ST6GALNAC3: variants seen among roughly 807,000 people sequenced by gnomAD.
ST6GALNAC3 encodes the protein ST6 N-acetylgalactosaminide alpha-2,6-sialyltransferase 3.
Under a neutral mutation model 32.7 loss-of-function variants are expected in ST6GALNAC3, and 25 were observed. That is an observed-to-expected ratio of 0.76 (90% CI 0.56 to 1.07). The LOEUF (loss-of-function observed/expected upper bound fraction) is 1.07. Among genes scored for constraint, ST6GALNAC3 ranks in the 50% least tolerant of loss-of-function variants. ST6GALNAC3 has a pLI of 0.00. For missense variants in ST6GALNAC3, 355 were observed against 382.4 expected (o/e 0.93, Z 0.60); for synonymous variants, 129 against 133.1 (o/e 0.97, Z 0.21).
intron 1 of ST6GALNAC3, among the ~76,000 whole-genome samples, chr1:76,301,428 C>T (rs1265765991): frequency 6.6e-6 from 1 of 151,994 alleles, no homozygotes; most frequent in East Asian, 1.9e-4. Context: ...CATCTAGGTT[C>T]CTGCCTAATA....
intron 1 of ST6GALNAC3, among the ~76,000 whole-genome samples, chr1:76,077,895 A>G (rs1179864370): frequency 1.3e-5 from 2 of 152,214 alleles, no homozygotes; most frequent in South Asian, 2.1e-4. Flanking sequence ...CACAAGATGC[A>G]TAAACCATTG....
intron 3 of ST6GALNAC3, among the ~76,000 whole-genome samples, chr1:76,471,240 G>A (rs904935444): frequency 2.0e-5 from 3 of 152,018 alleles, no homozygotes; most frequent in Non-Finnish European, 2.9e-5. Context: ...TCTGAATACC[G>A]TTAAGGTGTA....
intron 1 of ST6GALNAC3, among the ~76,000 whole-genome samples, chr1:76,273,159 G>A (rs1658948793): frequency 1.3e-5 from 2 of 151,956 alleles, no homozygotes; most frequent in Admixed American, 1.3e-4. Flanking sequence ...GCTATCCAGG[G>A]GAACATTAAG....
At chr1:76,578,970 G>A (rs993017903) in intron 3 of ST6GALNAC3, among the ~76,000 whole-genome samples, 5 of 152,006 alleles carry the variant, frequency 3.3e-5, no homozygotes, top group Non-Finnish European at 7.4e-5. Flanking sequence ...GAGAGAGCAA[G>A]AGTGAGTTTC....
At chr1:76,501,110 T>C (rs1353340456) in intron 3 of ST6GALNAC3, among the ~76,000 whole-genome samples, 4 of 152,170 alleles carry the variant, frequency 2.6e-5, no homozygotes, top group Admixed American at 6.5e-5. Flanking sequence ...TAAATGAAAA[T>C]TGGTTTTAAA....
At chr1:76,557,447 A>T (rs533754772) in intron 3 of ST6GALNAC3, among the ~76,000 whole-genome samples, 1 of 152,064 alleles carries the variant, frequency 6.6e-6, no homozygotes, top group Non-Finnish European at 1.5e-5. Context: ...AGGCAAAACT[A>T]ATGTTCCATC....
At chr1:76,567,285 A>T (rs535640856) in intron 3 of ST6GALNAC3, among the ~76,000 whole-genome samples, 64 of 152,198 alleles carry the variant, frequency 4.2e-4, no homozygotes, top group Admixed American at 3.9e-4. Flanking sequence ...ATACTATGCA[A>T]GCTGGTATAG....
Position 76,465,221 on chromosome 1 carries a change from A to G in ST6GALNAC3, c.623+52804A>G, listed in dbSNP as rs1037246443. Among the ~76,000 whole-genome samples the G allele has an allele frequency of 2.6e-5, 4 of 152,166 alleles. No homozygotes were observed. In the East Asian group the frequency reaches 7.7e-4, roughly 29 times the overall value. ...GAGTCATTCGCTGCATGGCCCAATT[A>G]ACCTTTCTTCTGATTCCAGATTTTG... On this transcript the variant is annotated intron_variant, in intron 3 of 4. Coordinates refer to ENST00000328299, the MANE Select transcript of ST6GALNAC3 (RefSeq NM_152996.4).
intron 2 of ST6GALNAC3, among the ~76,000 whole-genome samples, chr1:76,357,383 G>T (rs754495265): frequency 6.6e-6 from 1 of 151,922 alleles, no homozygotes; most frequent in Non-Finnish European, 1.5e-5. Context: ...TGATCAACCC[G>T]CCTTGGCCTC....
intron 3 of ST6GALNAC3, among the ~76,000 whole-genome samples, chr1:76,567,528 A>G (rs1055491284): frequency 6.6e-6 from 1 of 152,202 alleles, no homozygotes; most frequent in Admixed American, 6.5e-5. Flanking sequence ...TTCCTTTTAT[A>G]CAATAAAACA....
intron 3 of ST6GALNAC3, among the ~76,000 whole-genome samples, chr1:76,524,714 GTTTT>G (rs199723434): frequency 7.1e-6 from 1 of 140,174 alleles, no homozygotes; most frequent in South Asian, 2.3e-4. Context: ...AAATATTTCA[GTTTT>G]TTTTTTTTTT....
At chr1:76,337,895 A>G (rs55941593) in intron 2 of ST6GALNAC3, among the ~76,000 whole-genome samples, 1,524 of 152,200 alleles carry the variant, frequency 0.01, 30 homozygotes, top group African/African-American at 0.035. Flanking sequence ...CCAGACTGAC[A>G]TTTCCAAAGG....
chr1:76,382,777 T>C lies in ST6GALNAC3; in HGVS notation c.214-29231T>C, dbSNP rs574933726. ...TTAATCACGACTAGTTTCAGAAACA[T>C]TGGTATAACATAAGTATGTTGGAGT... On this transcript the variant is annotated intron_variant, in intron 2 of 4. Transcript: ENST00000328299. 4.6e-5 allele frequency among the ~76,000 whole-genome samples: 7 copies of C among 152,294 alleles called. No homozygotes were observed. In the East Asian group the frequency reaches 1.2e-3, roughly 25 times the overall value.
rs151224120 is a variant in ST6GALNAC3 at position 76,452,050 on chromosome 1, G to A, written c.623+39633G>A. ...CCTTGTTAAGTATTGTGTTGGCTGT[G>A]GGTTTGTCATAGATGGTGATATGGT... On this transcript the variant is annotated intron_variant, in intron 3 of 4. Transcript: ENST00000328299. 9.7e-4 allele frequency among the ~76,000 whole-genome samples: 147 copies of A among 152,208 alleles called. 2 individuals are homozygous for A. In the East Asian group the frequency reaches 0.022, roughly 23 times the overall value.
At chr1:76,572,801 G>A (rs907217057) in intron 3 of ST6GALNAC3, among the ~76,000 whole-genome samples, 1 of 152,112 alleles carries the variant, frequency 6.6e-6, no homozygotes, top group African/African-American at 2.4e-5. Context: ...TGCGGAGACA[G>A]CAGGCAGCTA....
In ST6GALNAC3 at chr1:76,437,569, C is replaced by CT. The variant is rs1301715774; in HGVS notation, c.623+25162dup. Reference sequence around the variant, plus strand: ...AAAAATAGCTATAATTCTTTTCTTTCTTTTTTTTTTCTCTTTTTTTTTTTT... The same window carrying CT: ...AAAAATAGCTATAATTCTTTTCTTTCTTTTTTTTTTTCTCTTTTTTTTTTTT... On this transcript the variant is annotated intron_variant, in intron 3 of 4. Transcript: ENST00000328299. Among the ~76,000 whole-genome samples, 28 of 128,880 alleles carry CT rather than the reference C, an allele frequency of 2.2e-4. 1 individual carries two copies. In the South Asian group the frequency reaches 2.7e-3, roughly 13 times the overall value. The allele number at this position is 128,880 out of a possible 152,430, so 84.6% of individuals were successfully genotyped here.
intron 3 of ST6GALNAC3, among the ~76,000 whole-genome samples, chr1:76,543,248 A>C (rs1364382159): frequency 6.6e-6 from 1 of 152,204 alleles, no homozygotes; most frequent in Non-Finnish European, 1.5e-5. Context: ...GGAATATCTG[A>C]CAACCACTCA....
intron 3 of ST6GALNAC3, among the ~76,000 whole-genome samples, chr1:76,616,227 G>A (rs989086002): frequency 1.3e-5 from 2 of 152,212 alleles, no homozygotes; most frequent in Admixed American, 1.3e-4. Context: ...TAAGTGAGGA[G>A]TTTAACTCAG....
At chr1:76,524,338 C>T (rs1401585814) in intron 3 of ST6GALNAC3, among the ~76,000 whole-genome samples, 1 of 152,060 alleles carries the variant, frequency 6.6e-6, no homozygotes, top group Non-Finnish European at 1.5e-5. Flanking sequence ...ACTAGAACCC[C>T]CAGGGCATTT....
Sources: gnomAD v4.1 joint callset for allele counts (sites outside exome capture counted in the v4.1 genomes callset) on GRCh38, gnomAD v4.1.1 for gene constraint, MANE v1.5 for transcripts, NCBI Gene and HGNC (gene_info 2026-07-23, HGNC 2026-07-21) for gene names.